LRRC7: variants seen among roughly 807,000 people sequenced by gnomAD.
LRRC7 encodes leucine rich repeat containing 7.
A neutral mutation model predicts 175.7 loss-of-function variants in LRRC7; 23 were observed. That is an observed-to-expected ratio of 0.13 (90% CI 0.09 to 0.19). The LOEUF (loss-of-function observed/expected upper bound fraction) is 0.19, where lower values mean the gene tolerates loss of function less well. LRRC7 is among the 10% of genes least tolerant of loss of function. The probability of loss-of-function intolerance (pLI) is 1.00; values close to 1 mark genes in which losing one functional copy is unlikely to be tolerated. For synonymous variants in LRRC7, 685 were observed against 680.9 expected, an observed-to-expected ratio of 1.01 and a Z score of -0.09; for missense variants, 1,354 against 1,904.7, an observed-to-expected ratio of 0.71 and a Z score of 5.38.
intron 3 of LRRC7, among the ~76,000 whole-genome samples, chr1:69,788,618 T>C (rs1035123523): frequency 1.3e-5 from 2 of 152,206 alleles, no homozygotes; most frequent in African/African-American, 4.8e-5. Context: ...GTTGAGATTA[T>C]CTTTAGATGT....
At chr1:69,729,531 T>C (rs1667335847) in intron 2 of LRRC7, among the ~76,000 whole-genome samples, 1 of 152,212 alleles carries the variant, frequency 6.6e-6, no homozygotes, top group Admixed American at 6.5e-5. Context: ...ATGTCAAATC[T>C]TAAAGCTTCA....
intron 1 of LRRC7, among the ~76,000 whole-genome samples, chr1:69,599,766 A>C (rs752241941): frequency 5.9e-5 from 9 of 152,062 alleles, no homozygotes; most frequent in Non-Finnish European, 1.3e-4. Context: ...CCTTCCCCAC[A>C]AGTCCTGGGG....
At chr1:69,837,333 A>G (rs1183248995) in intron 6 of LRRC7, among the ~76,000 whole-genome samples, 1 of 151,956 alleles carries the variant, frequency 6.6e-6, no homozygotes, top group Non-Finnish European at 1.5e-5. Context: ...AATGAAAATA[A>G]TAATAGCCAA....
At chr1:69,784,631 T>C (rs1569842724) in intron 3 of LRRC7, among the ~76,000 whole-genome samples, 1 of 152,186 alleles carries the variant, frequency 6.6e-6, no homozygotes. Flanking sequence ...TTACCTTTTG[T>C]TGTTAATTTT....
chr1:69,699,383 T>C (rs929156342), intron 2 of LRRC7, among the ~76,000 whole-genome samples: 4 of 151,800 alleles, frequency 2.6e-5, no homozygotes, highest in Non-Finnish European at 5.9e-5. Context: ...CTACTAAAAG[T>C]ACAAAAATTA....
intron 11 of LRRC7, among the ~76,000 whole-genome samples, chr1:70,001,849 G>C (rs890917432): frequency 6.6e-6 from 1 of 151,964 alleles, no homozygotes; most frequent in East Asian, 1.9e-4. Context: ...CCTCATGTTT[G>C]GTGCTTTCTT....
chr1:69,892,675 G>A (rs950751651), intron 7 of LRRC7, among the ~76,000 whole-genome samples: 3 of 152,134 alleles, frequency 2.0e-5, no homozygotes, highest in African/African-American at 7.2e-5. Context: ...GACATGCCAA[G>A]CTCTTTACCT....
At chr1:70,016,997 G>A (rs1657016711) in intron 14 of LRRC7, among the ~76,000 whole-genome samples, 1 of 151,958 alleles carries the variant, frequency 6.6e-6, no homozygotes, top group Non-Finnish European at 1.5e-5. Context: ...TGAAATATCA[G>A]GCTGGGCGCG....
chr1:69,919,470 C>A, intron 7 of LRRC7: 1 of 993,030 alleles, frequency 1.0e-6, no homozygotes, highest in Non-Finnish European at 1.6e-6. Flanking sequence ...AGCGGCCCAG[C>A]GGGAACAGCA....
At chr1:69,612,764 T>C (rs899944292) in intron 1 of LRRC7, among the ~76,000 whole-genome samples, 1 of 152,132 alleles carries the variant, frequency 6.6e-6, no homozygotes, top group African/African-American at 2.4e-5. Context: ...CATATGTATA[T>C]ACCTATATAG....
chr1:70,054,578 CTTTTTTTTTTTTTTTTTT>C (rs35639787), intron 23 of LRRC7, among the ~76,000 whole-genome samples: 1 of 53,798 alleles, frequency 1.9e-5, no homozygotes, highest in Admixed American at 3.2e-4. Context: ...TTACACTCTA[CTTTTTTTTTTTTTTTTTT>C]TTTTTTTTTT....
Position 69,760,255 on chromosome 1 carries a change from C to T in LRRC7, c.165C>T (p.Phe55=), listed in dbSNP as rs1042784977. 58 of 1,612,598 alleles carry T rather than the reference C, an allele frequency of 3.6e-5. No homozygotes were observed. The highest frequency in any genetic ancestry group is 4.2e-5 in the Non-Finnish European group (50 of 1,179,292). Residue 55 remains phenylalanine (F), a synonymous_variant, in exon 3 of 27, where the codon TTC becomes TTT. Transcript: ENST00000651989. The stretch of plus-strand genomic sequence containing the variant: ...GCCGTCTGGTGCCATGCCGATGTTT[C>T]CGAGGTGAAGAAGAAATCATCTCAG... ...IIGRLVPCRC[F]RGEEEIISVL...
chr1:69,893,074 C>T (rs1645882842), intron 7 of LRRC7, among the ~76,000 whole-genome samples: 1 of 152,060 alleles, frequency 6.6e-6, no homozygotes, highest in South Asian at 2.1e-4. Flanking sequence ...AAAAACACAT[C>T]CAGGTACATT....
At position 70,036,169 on chromosome 1, in the gene LRRC7, C is replaced by T; in HGVS notation, c.2044C>T (p.Pro682Ser). The change falls in exon 19 of 27, where the codon CCT (proline) becomes TCT (serine). Residue 682 changes from proline to serine, a missense_variant. Physicochemically the swap from Pro to Ser is moderately conservative, Grantham distance 74 (BLOSUM62 -1). This residue lies in a region of LRRC7 where 1,032 missense variants were observed against 1,227.2 expected (regional missense o/e 0.84). Transcript: ENST00000651989. ...TGAAATGAGGATTGGGGAACTTCAC[C>T]CTTCATTAGCTGAGACCCCTCTGTA... ...ANEMRIGELHPSLAETPLYPP... is the reference protein window; with the variant it reads ...ANEMRIGELHSSLAETPLYPP... The T allele has an allele frequency of 1.2e-6, 2 of 1,613,264 alleles. No individual in the cohort carries two copies. Among genetic ancestry groups the T allele is most frequent in the African/African-American group, 2.7e-5 (2 of 74,946 alleles).
chr1:69,596,016 T>G (rs926863419), intron 1 of LRRC7, among the ~76,000 whole-genome samples: 1 of 114,890 alleles, frequency 8.7e-6, no homozygotes, highest in Non-Finnish European at 2.1e-5. Context: ...TAATTACTTT[T>G]TAAGTGAATC....
At chr1:69,667,875 C>T (rs1389209740) in intron 1 of LRRC7, among the ~76,000 whole-genome samples, 1 of 152,060 alleles carries the variant, frequency 6.6e-6, no homozygotes, top group East Asian at 1.9e-4. Context: ...TTGTCATCTT[C>T]TCCTCATTCC....
rs1666236193 is a variant in LRRC7 at position 70,122,028 on chromosome 1, A to T, written c.*141A>T. 3.6e-6 allele frequency: 2 copies of T among 556,948 alleles called. No homozygotes were observed. Among genetic ancestry groups the T allele is most frequent in the Non-Finnish European group, 6.4e-6 (2 of 312,836 alleles). The allele number at this position is 556,948 out of a possible 1,614,324, so 34.5% of individuals were successfully genotyped here. The stretch of plus-strand genomic sequence containing the variant: ...TGTATAATACTATATGTTAGCACTG[A>T]CCATCCTTAAAAAATGTTAACTCTA... On this transcript the variant is annotated 3_prime_UTR_variant, in exon 27 of 27. Transcript: ENST00000651989.
chr1:69,901,143 T>G (rs1253992598), intron 7 of LRRC7, among the ~76,000 whole-genome samples: 1 of 152,120 alleles, frequency 6.6e-6, no homozygotes, highest in Non-Finnish European at 1.5e-5. Context: ...TGGAAGCAGC[T>G]GAAAGTGGAG....
chr1:70,083,976 C>A (rs191300003), intron 24 of LRRC7, among the ~76,000 whole-genome samples: 1 of 152,220 alleles, frequency 6.6e-6, no homozygotes, highest in Admixed American at 6.5e-5. Context: ...CTAAAGTGAT[C>A]TTTTTTAATA....
Sources: gnomAD v4.1 joint callset for allele counts (sites outside exome capture counted in the v4.1 genomes callset) on GRCh38, gnomAD v4.1.1 for gene constraint, gnomAD v4.1.1 regional missense constraint, MANE v1.5 for transcripts, NCBI Gene and HGNC (gene_info 2026-07-23, HGNC 2026-07-21) for gene names.